Variants in AGBL1 observed in about 807,000 individuals in gnomAD.
The protein encoded by AGBL1 is cytosolic carboxypeptidase 4.
Under a neutral mutation model 118.9 loss-of-function variants are expected in AGBL1, and 130 were observed. The ratio of observed to expected loss-of-function variants is 1.09; its 90% CI spans 0.95 to 1.26. The LOEUF (loss-of-function observed/expected upper bound fraction) is 1.26, where lower values mean the gene tolerates loss of function less well. Ranked by LOEUF, AGBL1 falls within the 50% of genes most tolerant of loss-of-function variation. AGBL1 has a pLI of 0.00. For synonymous variants in AGBL1, 555 were observed against 478.9 expected, an observed-to-expected ratio of 1.16 and a Z score of -2.08; for missense variants, 1,584 against 1,298.1, an observed-to-expected ratio of 1.22 and a Z score of -3.38.
At chr15:86,752,042 G>T (rs538754232) in intron 22 of AGBL1, among the ~76,000 whole-genome samples, 28 of 152,120 alleles carry the variant, frequency 1.8e-4, no homozygotes, top group African/African-American at 5.8e-4. Flanking sequence ...TCTCTATATG[G>T]AATAAATTAG....
chr15:86,803,745 G>A (rs1474979222), intron 22 of AGBL1, among the ~76,000 whole-genome samples: 1 of 152,124 alleles, frequency 6.6e-6, no homozygotes, highest in Non-Finnish European at 1.5e-5. Flanking sequence ...TAGTGCAGTG[G>A]TCCTCAACCA....
chr15:87,017,292 T>A (rs2081616570), intron 24 of AGBL1, among the ~76,000 whole-genome samples: 2 of 152,118 alleles, frequency 1.3e-5, no homozygotes, highest in Admixed American at 6.6e-5. Context: ...ACCAGACTGC[T>A]TCTTGGAGCA....
At chr15:86,865,263 T>G (rs1356448568) in intron 22 of AGBL1, among the ~76,000 whole-genome samples, 2 of 152,214 alleles carry the variant, frequency 1.3e-5, no homozygotes, top group African/African-American at 4.8e-5. Flanking sequence ...CATTCCTCAT[T>G]TTATAGAAGA....
chr15:86,356,318 A>C (rs892236455), intron 17 of AGBL1, among the ~76,000 whole-genome samples: 6 of 151,024 alleles, frequency 4.0e-5, no homozygotes, highest in Admixed American at 6.6e-5. Flanking sequence ...ATTTGGATTT[A>C]TATCTACGAA....
chr15:86,659,069 T>C lies in AGBL1; in HGVS notation c.2995-15204T>C, dbSNP rs1472473810. On this transcript the variant is annotated intron_variant, in intron 21 of 22. Transcript: ENST00000614907. ...TGATCTTTTAATTAAGAAAAGTTCC[T>C]GTCTCATTTATTTCCTATTTGTCCC... is the stretch of plus-strand genomic sequence containing the variant. Among the ~76,000 whole-genome samples, 4 of 152,158 alleles carry C rather than the reference T, an allele frequency of 2.6e-5. No homozygotes were observed. The East Asian group carries it at 7.7e-4, about 29-fold the overall frequency.
chr15:86,805,969 A>G (rs570171005), intron 22 of AGBL1, among the ~76,000 whole-genome samples: 2 of 152,116 alleles, frequency 1.3e-5, no homozygotes, highest in South Asian at 4.2e-4. Context: ...AATGGGGTCT[A>G]TGCTGATTTC....
At chr15:86,503,383 T>G (rs2082938865) in intron 18 of AGBL1, among the ~76,000 whole-genome samples, 1 of 151,330 alleles carries the variant, frequency 6.6e-6, no homozygotes, top group Non-Finnish European at 1.5e-5. Context: ...AAGAACCAAC[T>G]TTTAGTTCCT....
chr15:86,468,725 G>A (rs910137601), intron 18 of AGBL1, among the ~76,000 whole-genome samples: 6 of 152,160 alleles, frequency 3.9e-5, no homozygotes, highest in African/African-American at 1.2e-4. Flanking sequence ...AAGGAATAAT[G>A]AGTAGAGTTT....
At chr15:86,154,871 C>T (rs758634235) in intron 4 of AGBL1, among the ~76,000 whole-genome samples, 1 of 152,090 alleles carries the variant, frequency 6.6e-6, no homozygotes, top group Non-Finnish European at 1.5e-5. Context: ...AAAAAAAGGT[C>T]TGTGACAGGA....
intron 18 of AGBL1, among the ~76,000 whole-genome samples, chr15:86,493,996 T>G (rs2082816048): frequency 6.6e-6 from 1 of 152,020 alleles, no homozygotes; most frequent in Non-Finnish European, 1.5e-5. Context: ...CAAATCTCTT[T>G]CCCAAACCTC....
At chr15:86,359,540 A>G (rs981239672) in intron 17 of AGBL1, among the ~76,000 whole-genome samples, 1 of 150,588 alleles carries the variant, frequency 6.6e-6, no homozygotes, top group Non-Finnish European at 1.5e-5. Context: ...TTTGTGTTCC[A>G]TATCAGTTTT....
chr15:86,793,677 A>G (rs983880652), intron 22 of AGBL1, among the ~76,000 whole-genome samples: 6 of 152,226 alleles, frequency 3.9e-5, no homozygotes, highest in Admixed American at 3.3e-4. Flanking sequence ...AAGTAAAAAG[A>G]CAACTCACAA....
intron 18 of AGBL1, among the ~76,000 whole-genome samples, chr15:86,492,337 G>GGAGTA (rs2082791500): frequency 6.6e-6 from 1 of 152,014 alleles, no homozygotes; most frequent in Admixed American, 6.6e-5. Context: ...ATGGCTCATA[G>GGAGTA]GAGTAGCAAA....
chr15:86,665,809 A>G (rs2085634345), intron 21 of AGBL1, among the ~76,000 whole-genome samples: 1 of 151,936 alleles, frequency 6.6e-6, no homozygotes, highest in Admixed American at 6.6e-5. Context: ...CTCAAATATT[A>G]ACCAACTGCT....
At chr15:86,098,279 AT>A (rs916277674) in intron 1 of AGBL1, among the ~76,000 whole-genome samples, 31 of 151,936 alleles carry the variant, frequency 2.0e-4, no homozygotes, top group African/African-American at 7.0e-4. Context: ...CATTCTGTTG[AT>A]TGTTTCCTCT....
chr15:86,463,588 C>A (rs564080180), intron 18 of AGBL1, among the ~76,000 whole-genome samples: 11 of 152,144 alleles, frequency 7.2e-5, no homozygotes, highest in Non-Finnish European at 5.9e-5. Flanking sequence ...ATGTTTAAAT[C>A]TTTAATCCAT....
chr15:86,616,153 A>G (rs1314777984), intron 21 of AGBL1, among the ~76,000 whole-genome samples: 1 of 152,022 alleles, frequency 6.6e-6, no homozygotes, highest in Non-Finnish European at 1.5e-5. Flanking sequence ...CCTGGCCAAC[A>G]TGGTGAAATT....
intron 21 of AGBL1, among the ~76,000 whole-genome samples, chr15:86,645,050 CAAA>C (rs201050132): frequency 2.0e-5 from 3 of 150,016 alleles, no homozygotes; most frequent in South Asian, 2.1e-4. Context: ...AAAACAAAAA[CAAA>C]AAAAAGGAGA....
chr15:86,782,586 T>C (rs959410567), intron 22 of AGBL1, among the ~76,000 whole-genome samples: 1 of 152,202 alleles, frequency 6.6e-6, no homozygotes, highest in Admixed American at 6.5e-5. Flanking sequence ...CACAAAAATA[T>C]GAGTGAAACT....
Sources: gnomAD v4.1 joint callset for allele counts (sites outside exome capture counted in the v4.1 genomes callset) on GRCh38, gnomAD v4.1.1 for gene constraint, MANE v1.5 for transcripts, NCBI Gene and HGNC (gene_info 2026-07-23, HGNC 2026-07-21) for gene names.